The following PCDH15 variants were observed in gnomAD, a reference collection of about 807,000 sequenced individuals.
PCDH15 encodes protocadherin related 15.
Under a neutral mutation model 178.5 loss-of-function variants are expected in PCDH15, and 129 were observed. The observed-to-expected ratio is 0.72, with a 90% CI of 0.63 to 0.84. The LOEUF (loss-of-function observed/expected upper bound fraction) is 0.84. Among genes scored for constraint, PCDH15 ranks in the 40% least tolerant of loss-of-function variants. The pLI is 0.00. For synonymous variants in PCDH15, 800 were observed against 732.0 expected, an observed-to-expected ratio of 1.09 and a Z score of -1.50; for missense variants, 2,230 against 2,099.9, an observed-to-expected ratio of 1.06 and a Z score of -1.21.
chr10:55,283,924 T>A (rs1372873358), intron 1 of PCDH15, among the ~76,000 whole-genome samples: 1 of 152,150 alleles, frequency 6.6e-6, no homozygotes, highest in Non-Finnish European at 1.5e-5. Flanking sequence ...GAATGTCTAT[T>A]ACTATTTGTT....
At chr10:55,436,475 A>G (rs1839043721) in intron 2 of PCDH15, among the ~76,000 whole-genome samples, 1 of 152,054 alleles carries the variant, frequency 6.6e-6, no homozygotes, top group African/African-American at 2.4e-5. Context: ...GTTTAATAGG[A>G]TGTAGGTTTA....
At chr10:55,207,377 G>A (rs927280273) in intron 1 of PCDH15, among the ~76,000 whole-genome samples, 1 of 151,976 alleles carries the variant, frequency 6.6e-6, no homozygotes, top group Non-Finnish European at 1.5e-5. Context: ...AGACTGAAGC[G>A]TATTTGCCTA....
intron 2 of PCDH15, among the ~76,000 whole-genome samples, chr10:55,535,972 A>G (rs1002887714): frequency 2.6e-5 from 4 of 152,080 alleles, no homozygotes; most frequent in African/African-American, 7.2e-5. Context: ...TAGCATTTTA[A>G]AAATATATAT....
chr10:55,618,500 A>G (rs1843523074), intron 2 of PCDH15, among the ~76,000 whole-genome samples: 1 of 152,088 alleles, frequency 6.6e-6, no homozygotes, highest in South Asian at 2.1e-4. Flanking sequence ...AGGTCTTTGT[A>G]TACACATCAA....
At chr10:53,807,591 T>C (rs1841278613) in intron 37 of PCDH15, among the ~76,000 whole-genome samples, 1 of 152,188 alleles carries the variant, frequency 6.6e-6, no homozygotes, top group Admixed American at 6.5e-5. Context: ...TAATTTTTAA[T>C]GTATTCTCTA....
At chr10:54,752,470 C>A in intron 1 of PCDH15, among the ~76,000 whole-genome samples, 1 of 118,472 alleles carries the variant, frequency 8.4e-6, no homozygotes, top group Non-Finnish European at 1.8e-5. Context: ...GAACGAGACT[C>A]CGTCTCAAAA....
chr10:54,247,610 T>C lies in PCDH15; in HGVS notation c.877-10679A>G, dbSNP rs556890057. On this transcript the variant is annotated intron_variant, in intron 8 of 37. Transcript: ENST00000644397. ...CATAAGAGTGAATCATATACACATA[T>C]AGGGGCTCACAGCGCTTCATTGAGA... Among the ~76,000 whole-genome samples the C allele has an allele frequency of 4.6e-5, 7 of 152,034 alleles. No individual in the cohort carries two copies. In the East Asian group the frequency reaches 7.7e-4, roughly 17 times the overall value.
At chr10:55,336,128 A>G (rs1178463156) in intron 2 of PCDH15, among the ~76,000 whole-genome samples, 1 of 42,214 alleles carries the variant, frequency 2.4e-5, no homozygotes, top group Admixed American at 2.4e-4. Context: ...GTATTTGAAA[A>G]AAAAAAAAAA....
At chr10:53,849,338 T>A (rs1023775607) in intron 28 of PCDH15, among the ~76,000 whole-genome samples, 2 of 152,096 alleles carry the variant, frequency 1.3e-5, no homozygotes, top group African/African-American at 4.8e-5. Context: ...TTATTTTGTA[T>A]ATGTATATAT....
At chr10:54,550,187 G>GTTTGTTTTGT (rs544199156) in intron 2 of PCDH15, among the ~76,000 whole-genome samples, 1 of 152,068 alleles carries the variant, frequency 6.6e-6, no homozygotes, top group African/African-American at 2.4e-5. Context: ...TTTAAAAAGA[G>GTTTGTTTTGT]TTTGTTTTGT....
chr10:55,505,011 CTAA>C (rs1840731343), intron 2 of PCDH15, among the ~76,000 whole-genome samples: 1 of 151,350 alleles, frequency 6.6e-6, no homozygotes, highest in South Asian at 2.1e-4. Context: ...GTCATAAGAG[CTAA>C]TTTCAGGGCT....
intron 2 of PCDH15, among the ~76,000 whole-genome samples, chr10:55,484,580 T>C (rs1478646248): frequency 4.6e-5 from 7 of 151,738 alleles, no homozygotes; most frequent in Admixed American, 4.6e-4. Flanking sequence ...AGACCCCAGA[T>C]AGCCAAAGCA....
At chr10:55,442,686 A>G (rs1317659168) in intron 2 of PCDH15, among the ~76,000 whole-genome samples, 2 of 151,504 alleles carry the variant, frequency 1.3e-5, no homozygotes, top group South Asian at 2.1e-4. Flanking sequence ...ATATTAATCT[A>G]TTTATTTATG....
intron 8 of PCDH15, among the ~76,000 whole-genome samples, chr10:54,280,281 GTT>G (rs60842227): frequency 0.11 from 15,217 of 142,688 alleles, 1,304 homozygotes; most frequent in African/African-American, 0.24. Context: ...AAAATTTCTA[GTT>G]TTTTTTTTTT....
intron 2 of PCDH15, among the ~76,000 whole-genome samples, chr10:55,345,905 C>A (rs1309066622): frequency 6.6e-6 from 1 of 151,696 alleles, no homozygotes; most frequent in African/African-American, 2.4e-5. Flanking sequence ...GGTGTTTGCC[C>A]TGTTTATTGT....
At chr10:54,006,824 T>C (rs1009713474) in intron 20 of PCDH15, among the ~76,000 whole-genome samples, 11 of 152,266 alleles carry the variant, frequency 7.2e-5, no homozygotes, top group South Asian at 4.1e-4. Context: ...CAGCCCTTGT[T>C]ACAAGGTGAA....
At chr10:55,237,587 G>C (rs1275376804) in intron 1 of PCDH15, among the ~76,000 whole-genome samples, 1 of 152,022 alleles carries the variant, frequency 6.6e-6, no homozygotes, top group Non-Finnish European at 1.5e-5. Context: ...AGTGCAAAGA[G>C]ATCATTCTAA....
chr10:54,134,904 A>G (rs2042771306), intron 14 of PCDH15, among the ~76,000 whole-genome samples: 1 of 151,984 alleles, frequency 6.6e-6, no homozygotes, highest in African/African-American at 2.4e-5. Context: ...TAAAAGCTAC[A>G]GTGACTTTTA....
At chr10:54,934,827 C>T (rs992293540) in intron 2 of PCDH15, among the ~76,000 whole-genome samples, 2 of 151,776 alleles carry the variant, frequency 1.3e-5, no homozygotes, top group South Asian at 2.1e-4. Context: ...TTGGAACCAA[C>T]CCAAATGTCC....
Sources: allele counts gnomAD v4.1 joint callset (sites outside exome capture counted in the v4.1 genomes callset), GRCh38; gene constraint gnomAD v4.1.1; transcripts MANE v1.5; gene names NCBI Gene and HGNC (gene_info 2026-07-23, HGNC 2026-07-21).